The following USO1 variants were observed in gnomAD, a reference collection of about 807,000 sequenced individuals.
USO1 encodes general vesicular transport factor p115.
In USO1, 57 loss-of-function variants were observed where a neutral mutation model predicts 124.5. That is an observed-to-expected ratio of 0.46 (90% CI 0.37 to 0.57). USO1 has a LOEUF of 0.57. Ranked by LOEUF, USO1 falls within the 20% of genes least tolerant of loss-of-function variation. The pLI is 0.00. For missense variants in USO1, 900 were observed against 1,040.6 expected (o/e 0.86, Z 1.86); for synonymous variants, 369 against 362.8 (o/e 1.02, Z -0.19).
chr4:75,767,411 T>C, intron 4 of USO1: 1 of 429,100 alleles, frequency 2.3e-6, no homozygotes, highest in Non-Finnish European at 4.6e-6. Flanking sequence ...TGATGACTTT[T>C]GATACATGTA....
chr4:75,813,517 C>A lies in USO1; in HGVS notation c.*222C>A. On this transcript the variant is annotated 3_prime_UTR_variant, in exon 24 of 24. Transcript: ENST00000514213. ...TTTATTTAAATCCATCTGAACTGTCCCAAAATGTAATTTGCAAAGAGCTTC... is the reference window on the plus strand; with the variant it reads ...TTTATTTAAATCCATCTGAACTGTCACAAAATGTAATTTGCAAAGAGCTTC... The A allele has an allele frequency of 2.8e-6, 1 of 362,866 alleles. No homozygotes were observed. The allele number at this position is 362,866 out of a possible 1,614,324, so 22.5% of individuals were successfully genotyped here. A position where few individuals can be genotyped will look rare whatever the true frequency, so the allele number is the denominator to read the frequency against.
At chr4:75,761,069 C>T (rs889740480) in intron 4 of USO1, among the ~76,000 whole-genome samples, 3 of 152,096 alleles carry the variant, frequency 2.0e-5, no homozygotes, top group African/African-American at 7.2e-5. Flanking sequence ...ATTGCTTGAA[C>T]CCAGGAGACA....
At chr4:75,761,748 G>A in intron 4 of USO1, among the ~76,000 whole-genome samples, 2 of 152,206 alleles carry the variant, frequency 1.3e-5, no homozygotes, top group South Asian at 4.2e-4. Context: ...TCCTTGAGGT[G>A]CTTAACTTTT....
Position 75,782,863 on chromosome 4 carries a change from A to G in USO1, c.855+5A>G. 1 of 1,571,148 alleles carries G rather than the reference A, an allele frequency of 6.4e-7. No individual in the cohort carries two copies. Among genetic ancestry groups the G allele is most frequent in the Non-Finnish European group, 8.6e-7 (1 of 1,167,458 alleles). Reference sequence around the variant, plus strand: ...AATCTACATCTAATGCTACAGGTATACTATCCTTAGACATAAATGTGGTAA... The same window carrying G: ...AATCTACATCTAATGCTACAGGTATGCTATCCTTAGACATAAATGTGGTAA... On this transcript the variant is annotated splice_donor_5th_base_variant and intron_variant, in intron 9 of 23. Coordinates refer to ENST00000514213, the MANE Select transcript of USO1 (RefSeq NM_003715.4).
At position 75,771,118 on chromosome 4, in the gene USO1, G is replaced by A. The variant is rs1332150654; in HGVS notation, c.536G>A (p.Arg179Lys). The change falls in exon 7 of 24, where the codon AGG becomes AAG. Residue 179 changes from arginine (R) to lysine (K), a missense_variant. This residue lies in a region of USO1 where 538 missense variants were observed against 681.6 expected (regional missense o/e 0.79). Coordinates refer to ENST00000514213, the MANE Select transcript of USO1 (RefSeq NM_003715.4). ...TTGATGGACTTACTAGCGGATTCCA[G>A]GGAAGTTATACGTAATGATGTAAGT... is the stretch of plus-strand genomic sequence containing the variant. ...SRLMDLLADS[R>K]EVIRNDGVLL... 1 of 1,610,930 alleles carries A rather than the reference G, an allele frequency of 6.2e-7. No individual in the cohort carries two copies. Among genetic ancestry groups the A allele is most frequent in the Non-Finnish European group, 8.5e-7 (1 of 1,178,944 alleles).
At chr4:75,750,700 G>A (rs943316883) in intron 1 of USO1, among the ~76,000 whole-genome samples, 4 of 132,284 alleles carry the variant, frequency 3.0e-5, no homozygotes, top group African/African-American at 5.0e-5. Flanking sequence ...GGCCAGGATG[G>A]TCTCGATCTC....
intron 1 of USO1, among the ~76,000 whole-genome samples, chr4:75,748,512 A>C (rs1052583231): frequency 6.6e-6 from 1 of 152,194 alleles, no homozygotes; most frequent in African/African-American, 2.4e-5. Context: ...TCTAAAGCTA[A>C]GTTTCTCTAC....
intron 1 of USO1, among the ~76,000 whole-genome samples, chr4:75,751,730 G>A (rs1283797242): frequency 6.6e-6 from 1 of 151,476 alleles, no homozygotes; most frequent in Non-Finnish European, 1.5e-5. Context: ...TTTCAGGGGG[G>A]CCGAGGCAGT....
intron 4 of USO1, chr4:75,770,000 T>G (rs575195882): frequency 1.3e-5 from 2 of 152,524 alleles, no homozygotes; most frequent in South Asian, 4.1e-4. Flanking sequence ...ATGTTCAATA[T>G]TGTTTTGGGG....
chr4:75,806,800 C>T (rs1723009046), intron 20 of USO1, among the ~76,000 whole-genome samples: 1 of 152,026 alleles, frequency 6.6e-6, no homozygotes, highest in African/African-American at 2.4e-5. Context: ...ATCTCAGCAT[C>T]TCACCCATGT....
rs184904419 is a variant in USO1 at position 75,792,452 on chromosome 4, G to A, written c.1241-1238G>A. 6.6e-5 allele frequency among the ~76,000 whole-genome samples: 10 copies of A among 152,252 alleles called. No individual in the cohort carries two copies. The East Asian group carries it at 1.5e-3, about 24-fold the overall frequency. ...TGGGGGAGACTGAGGCAGGAGAATC[G>A]CTTGAACTTGGGAGGCGGAGGTTGC... On this transcript the variant is annotated intron_variant, in intron 12 of 23. Transcript: ENST00000514213.
At chr4:75,772,686 A>G (rs1303317721) in intron 7 of USO1, among the ~76,000 whole-genome samples, 1 of 152,102 alleles carries the variant, frequency 6.6e-6, no homozygotes, top group Admixed American at 6.6e-5. Context: ...TATTCTTTCC[A>G]TGTCCTGCAA....
intron 1 of USO1, among the ~76,000 whole-genome samples, chr4:75,740,663 A>G (rs975795857): frequency 2.0e-4 from 30 of 152,228 alleles, no homozygotes; most frequent in Admixed American, 7.9e-4. Flanking sequence ...AAATAGCAAC[A>G]AACAGTTATA....
At chr4:75,745,932 G>A (rs1721114377) in intron 1 of USO1, among the ~76,000 whole-genome samples, 1 of 151,898 alleles carries the variant, frequency 6.6e-6, no homozygotes, top group Admixed American at 6.6e-5. Flanking sequence ...GAAAAAAACA[G>A]TTTATTAGTT....
chr4:75,748,181 G>A (rs138377769), intron 1 of USO1, among the ~76,000 whole-genome samples: 30,582 of 149,902 alleles, frequency 0.2, 3,404 homozygotes, highest in African/African-American at 0.27. Flanking sequence ...TGGGATTACA[G>A]GCGTGAGCCA....
At chr4:75,768,940 G>A (rs1412145113) in intron 4 of USO1, among the ~76,000 whole-genome samples, 1 of 152,136 alleles carries the variant, frequency 6.6e-6, no homozygotes, top group East Asian at 1.9e-4. Flanking sequence ...AACTTAATAT[G>A]TCCAAAACTA....
Position 75,724,827 on chromosome 4 carries a change from T to C in USO1, c.8T>C (p.Phe3Ser). The C allele has an allele frequency of 2.5e-6, 4 of 1,613,502 alleles. No individual in the cohort carries two copies. Among genetic ancestry groups the C allele is most frequent in the Non-Finnish European group, 3.4e-6 (4 of 1,179,756 alleles). Reference sequence around the variant, plus strand: ...TGGTGGCTGAACGGCAAGATGAATTTCCTCCGCGGGGTAATGGGGGGTCAG... The same window carrying C: ...TGGTGGCTGAACGGCAAGATGAATTCCCTCCGCGGGGTAATGGGGGGTCAG... MN[F>S]LRGVMGGQSA... The change falls in exon 1 of 24, where the codon TTC becomes TCC. Residue 3 changes from phenylalanine (F) to serine (S), a missense_variant. Physicochemically the swap from Phe to Ser is radical, Grantham distance 155. Around this residue, in one of 2 missense-constraint regions of USO1, gnomAD observed 538 missense variants for 681.6 expected, o/e 0.79. Coordinates refer to ENST00000514213, the MANE Select transcript of USO1 (RefSeq NM_003715.4).
At chr4:75,780,568 G>A (rs1219011532) in intron 8 of USO1, among the ~76,000 whole-genome samples, 1 of 148,530 alleles carries the variant, frequency 6.7e-6, no homozygotes, top group African/African-American at 2.5e-5. Flanking sequence ...ACTGTGCCCA[G>A]CCAATAATAT....
chr4:75,729,335 C>CA (rs1399571605), intron 1 of USO1, among the ~76,000 whole-genome samples: 1 of 150,246 alleles, frequency 6.7e-6, no homozygotes, highest in African/African-American at 2.5e-5. Context: ...TATCTAGCAC[C>CA]TTTTTTTTGG....
Sources: gnomAD v4.1 joint callset for allele counts (sites outside exome capture counted in the v4.1 genomes callset) on GRCh38, gnomAD v4.1.1 for gene constraint, gnomAD v4.1.1 regional missense constraint, MANE v1.5 for transcripts, NCBI Gene and HGNC (gene_info 2026-07-23, HGNC 2026-07-21) for gene names.